The following IL1RAPL1 variants were observed in gnomAD, a reference collection of about 807,000 sequenced individuals.
IL1RAPL1 encodes interleukin 1 receptor accessory protein like 1.
Under a neutral mutation model 48.4 loss-of-function variants are expected in IL1RAPL1, and 3 were observed. The ratio of observed to expected loss-of-function variants is 0.06; its 90% CI spans 0.03 to 0.16. IL1RAPL1 has a LOEUF of 0.16. IL1RAPL1 is among the 10% of genes least tolerant of loss of function. The pLI, the probability that IL1RAPL1 is intolerant of heterozygous loss-of-function variation, is 1.00. For missense variants in IL1RAPL1, 349 were observed against 530.6 expected, an observed-to-expected ratio of 0.66 and a Z score of 3.36; for synonymous variants, 185 against 187.7, an observed-to-expected ratio of 0.99 and a Z score of 0.12.
At chrX:29,514,082 A>G (rs1935421320) in intron 5 of IL1RAPL1, among the ~76,000 whole-genome samples, 1 of 111,576 alleles carries the variant, frequency 9.0e-6, no homozygotes, top group Non-Finnish European at 1.9e-5. Context: ...TAATATTATC[A>G]CAATTTTAAT....
At chrX:29,390,438 A>G (rs1199206541) in intron 3 of IL1RAPL1, among the ~76,000 whole-genome samples, 1 of 112,136 alleles carries the variant, frequency 8.9e-6, no homozygotes, top group Non-Finnish European at 1.9e-5. Flanking sequence ...GAACAACTTA[A>G]TCCTTTTAAA....
chrX:29,045,885 T>TTCCTCCTCCTCCACC (rs1449730378), intron 2 of IL1RAPL1, among the ~76,000 whole-genome samples: 1 of 108,544 alleles, frequency 9.2e-6, no homozygotes. Context: ...TAAATTTTTC[T>TTCCTCCTCCTCCACC]TCCTCCTCCT....
chrX:29,252,129 G>A (rs779752964), intron 2 of IL1RAPL1, among the ~76,000 whole-genome samples: 1 of 109,578 alleles, frequency 9.1e-6, no homozygotes, highest in Non-Finnish European at 1.9e-5. Context: ...GTAAGGGGAG[G>A]GGGGAGGGAT....
intron 6 of IL1RAPL1, among the ~76,000 whole-genome samples, chrX:29,774,495 A>G (rs1929143299): frequency 8.9e-6 from 1 of 112,293 alleles, no homozygotes; most frequent in Admixed American, 9.5e-5. Context: ...ACTTTAAAAT[A>G]TACACGAATA....
chrX:28,686,387 C>T (rs1271565914), intron 1 of IL1RAPL1, among the ~76,000 whole-genome samples: 1 of 112,058 alleles, frequency 8.9e-6, no homozygotes, highest in African/African-American at 3.2e-5. Context: ...TTTCTTCTGT[C>T]TCTTTCGATT....
chrX:29,545,364 A>ATT (rs1313928131), intron 5 of IL1RAPL1, among the ~76,000 whole-genome samples: 1 of 111,433 alleles, frequency 9.0e-6, no homozygotes, highest in Non-Finnish European at 1.9e-5. Flanking sequence ...CTAATACCTT[A>ATT]CATGGTATAA....
chrX:29,954,393 G>A (rs1339250565), intron 9 of IL1RAPL1, 129 bp from the exon 10 acceptor site: 8 of 527,678 alleles, frequency 1.5e-5, no homozygotes, highest in Non-Finnish European at 2.6e-5. Context: ...ACTTAATGAA[G>A]GCTTCATTTT....
rs139856651 is a variant in IL1RAPL1, at chrX:28,854,991, A to G, written c.82+65566A>G. 1.1e-3 allele frequency among the ~76,000 whole-genome samples: 124 copies of G among 110,071 alleles called. 1 individual carries two copies. The highest frequency in any genetic ancestry group is 4.0e-3 in the African/African-American group (121 of 30,466). On this transcript the variant is annotated intron_variant, in intron 2 of 10. Coordinates refer to ENST00000378993, the MANE Select transcript of IL1RAPL1 (RefSeq NM_014271.4). ...TATCTTGTAGTGTTGTGCCTAGCAT[A>G]TTTGACATGCACAGCATCTTTTTTG...
chrX:29,597,469 C>T (rs1386582408), intron 5 of IL1RAPL1, among the ~76,000 whole-genome samples: 4 of 110,660 alleles, frequency 3.6e-5, no homozygotes, highest in Non-Finnish European at 5.6e-5. Flanking sequence ...AGGATTTTTG[C>T]ATCTATGTTT....
chrX:29,354,990 A>G (rs73462521), intron 3 of IL1RAPL1, among the ~76,000 whole-genome samples: 17 of 112,018 alleles, frequency 1.5e-4, no homozygotes, highest in African/African-American at 4.5e-4. Context: ...CAAAGAAAGA[A>G]GGGTATGGGG....
At chrX:28,614,974 C>T (rs1176617603) in intron 1 of IL1RAPL1, among the ~76,000 whole-genome samples, 1 of 110,514 alleles carries the variant, frequency 9.0e-6, no homozygotes, top group Non-Finnish European at 1.9e-5. Context: ...CTGCAAGCTC[C>T]GCCTCCCGGC....
chrX:29,333,019 C>T (rs1367327405), intron 3 of IL1RAPL1, among the ~76,000 whole-genome samples: 1 of 112,080 alleles, frequency 8.9e-6, no homozygotes, highest in African/African-American at 3.2e-5. Context: ...TAGTACAGAA[C>T]AAAATGAAAA....
At chrX:29,683,939 T>C (rs1308983946) in intron 6 of IL1RAPL1, among the ~76,000 whole-genome samples, 2 of 112,257 alleles carry the variant, frequency 1.8e-5, no homozygotes, top group African/African-American at 6.5e-5. Flanking sequence ...AGTGTAGATA[T>C]CTATTACAGC....
intron 5 of IL1RAPL1, among the ~76,000 whole-genome samples, chrX:29,588,429 T>C (rs1307284673): frequency 1.8e-5 from 2 of 112,472 alleles, no homozygotes; most frequent in Non-Finnish European, 3.8e-5. Context: ...ATGAGTTATA[T>C]GCAACTTAAA....
At chrX:29,683,237 AATAG>A (rs749096313) in intron 6 of IL1RAPL1, among the ~76,000 whole-genome samples, 13 of 112,047 alleles carry the variant, frequency 1.2e-4, no homozygotes, top group East Asian at 8.5e-4. Context: ...TAGGTAGATG[AATAG>A]ATAGATAGAT....
Position 29,794,474 on chromosome X carries a change from A to G in IL1RAPL1, c.779-122990A>G, listed in dbSNP as rs1047455577. Among the ~76,000 whole-genome samples the G allele has an allele frequency of 4.5e-5, 5 of 112,336 alleles. No homozygotes were observed. The Admixed American group carries it at 4.7e-4, about 11-fold the overall frequency. On this transcript the variant is annotated intron_variant, in intron 6 of 10. Coordinates refer to ENST00000378993, the MANE Select transcript of IL1RAPL1 (RefSeq NM_014271.4). ...GATGATTCATGGCAACCTTTTCTCC[A>G]TAATCTTGCTACCAGGTGGTATGCT...
chrX:28,886,242 G>GT lies in IL1RAPL1; in HGVS notation c.82+96826dup, dbSNP rs976156746. ...TATTATATTATCTCCTTTTTACATT[G>GT]TTTTTTTTTCCTTTGGATCTGATTT... On this transcript the variant is annotated intron_variant, in intron 2 of 10. Coordinates refer to ENST00000378993, the MANE Select transcript of IL1RAPL1 (RefSeq NM_014271.4). 1.1e-3 allele frequency among the ~76,000 whole-genome samples: 114 copies of GT among 105,923 alleles called. 2 individuals are homozygous for GT. Among genetic ancestry groups the GT allele is most frequent in the African/African-American group, 3.2e-3 (93 of 29,313 alleles). The allele number at this position is 105,923 out of a possible 115,157, so 92.0% of individuals were successfully genotyped here.
chrX:29,917,668 G>A, intron 7 of IL1RAPL1, 72 bp downstream of exon 7: 1 of 947,827 alleles, frequency 1.1e-6, no homozygotes, highest in Admixed American at 2.5e-5. Context: ...AAAGTAAGCT[G>A]AAAGGATTTT....
chrX:29,560,772 AT>A (rs1922167051), intron 5 of IL1RAPL1, among the ~76,000 whole-genome samples: 2 of 111,066 alleles, frequency 1.8e-5, no homozygotes, highest in South Asian at 7.4e-4. Flanking sequence ...GATTTTGTTC[AT>A]TTGCCTATCT....
Sources: gnomAD v4.1 joint callset for allele counts (sites outside exome capture counted in the v4.1 genomes callset) on GRCh38, gnomAD v4.1.1 for gene constraint, MANE v1.5 for transcripts, NCBI Gene and HGNC (gene_info 2026-07-23, HGNC 2026-07-21) for gene names.